The following TLE1 variants were observed in gnomAD, a reference collection of about 807,000 sequenced individuals.
The protein encoded by TLE1 is TLE family member 1, transcriptional corepressor.
TLE1 carries 21 observed loss-of-function variants against 89.8 expected under a neutral mutation model. The ratio of observed to expected loss-of-function variants is 0.23; its 90% confidence interval spans 0.17 to 0.34. TLE1 has a LOEUF of 0.34. Among genes scored for constraint, TLE1 ranks in the 10% least tolerant of loss-of-function variants. The pLI is 1.00. For synonymous variants in TLE1, 447 were observed against 407.6 expected (o/e 1.10, Z -1.16); for missense variants, 795 against 1,031.2 (o/e 0.77, Z 3.14).
At chr9:81,642,242 C>A (rs1828222416) in intron 6 of TLE1, among the ~76,000 whole-genome samples, 1 of 152,088 alleles carries the variant, frequency 6.6e-6, no homozygotes, top group Non-Finnish European at 1.5e-5. Flanking sequence ...TTAATTATCC[C>A]TTTTCTGAAG....
rs550719565 is a variant in TLE1, at chr9:81,665,254, T to C, written c.235-11218A>G. Among the ~76,000 whole-genome samples, 8 of 152,296 alleles carry C rather than the reference T, an allele frequency of 5.3e-5. No homozygotes were observed. In the South Asian group the frequency reaches 1.2e-3, roughly 24 times the overall value. ...ATTTAAGTTATTCCACCCATGGCAA[T>C]GTAATCTCGCCCCTTCTTCAAGCCT... On this transcript the variant is annotated intron_variant, in intron 4 of 19. Transcript: ENST00000376499.
rs900484687 is a variant in TLE1 at position 81,634,254 on chromosome 9, T to C, written c.420A>G (p.Pro140=). 2.6e-6 allele frequency: 4 copies of C among 1,565,126 alleles called. No individual in the cohort carries two copies. The highest frequency in any genetic ancestry group is 3.5e-6 in the Non-Finnish European group (4 of 1,150,544). Residue 140 remains proline (P), a synonymous_variant, in exon 7 of 20, where the codon CCA becomes CCG. Coordinates refer to ENST00000376499, the MANE Select transcript of TLE1 (RefSeq NM_005077.5). ...CCGAAGGGTGAGGCGTAAGGGGAAC[T>C]GGGGGTCCGTGGCCATGAGAAAGAT... ...AQHLSHGHGP[P]VPLTPHPSGL... is the part of the protein sequence containing the mutation.
rs114432866 is a variant in TLE1, at chr9:81,588,590, G to A, written c.1830-762C>T. ...GAACCTTGTGCTTCATTCAAAAATC[G>A]CCATCAGAAACGATCAGCCAACAGG... On this transcript the variant is annotated intron_variant, in intron 16 of 19. Coordinates refer to ENST00000376499, the MANE Select transcript of TLE1 (RefSeq NM_005077.5). Among the ~76,000 whole-genome samples, 999 of 152,198 alleles carry A rather than the reference G, an allele frequency of 6.6e-3. 12 individuals carry two copies. The highest frequency in any genetic ancestry group is 0.023 in the African/African-American group (954 of 41,524).
At chr9:81,609,706 C>A (rs1288943510) in intron 14 of TLE1, among the ~76,000 whole-genome samples, 1 of 152,136 alleles carries the variant, frequency 6.6e-6, no homozygotes, top group African/African-American at 2.4e-5. Flanking sequence ...TGGGGGTAAA[C>A]CTGGGGTGCT....
At chr9:81,644,209 C>A (rs956511234) in intron 6 of TLE1, among the ~76,000 whole-genome samples, 1 of 152,142 alleles carries the variant, frequency 6.6e-6, no homozygotes, top group African/African-American at 2.4e-5. Context: ...ACCATAGACC[C>A]AGTGATTCTA....
intron 6 of TLE1, among the ~76,000 whole-genome samples, chr9:81,646,709 T>G (rs745687051): frequency 1.1e-4 from 17 of 152,168 alleles, no homozygotes; most frequent in Non-Finnish European, 2.5e-4. Context: ...GCCCTTTAGG[T>G]CTACAACTCA....
intron 5 of TLE1, among the ~76,000 whole-genome samples, chr9:81,652,522 C>T (rs141165504): frequency 0.013 from 2,019 of 152,104 alleles, 29 homozygotes; most frequent in African/African-American, 0.036. Flanking sequence ...CTGTAAATTT[C>T]GGCTTGGAAT....
intron 4 of TLE1, among the ~76,000 whole-genome samples, chr9:81,677,960 G>C (rs1395597241): frequency 2.6e-5 from 4 of 152,130 alleles, no homozygotes; most frequent in Admixed American, 2.6e-4. Flanking sequence ...TCAACGGATA[G>C]AATTTTCAGA....
chr9:81,590,705 G>C, intron 16 of TLE1, 100 bp downstream of exon 16: 1 of 1,527,998 alleles, frequency 6.5e-7, no homozygotes, highest in Non-Finnish European at 8.8e-7. Flanking sequence ...CATTCAAGAG[G>C]CTCTTATTGT....
At chr9:81,683,628 G>A (rs1833893852) in intron 4 of TLE1, among the ~76,000 whole-genome samples, 2 of 152,124 alleles carry the variant, frequency 1.3e-5, no homozygotes, top group Admixed American at 1.3e-4. Flanking sequence ...CTGAATTATA[G>A]CACTACTTTG....
At chr9:81,587,910 G>GTGTGTGTGTGTGTCATCCCGCC (rs1564104171) in intron 16 of TLE1, 82 bp from the exon 17 acceptor site, 12 of 797,498 alleles carry the variant, frequency 1.5e-5, no homozygotes, top group African/African-American at 2.0e-5. Context: ...TTTGGACCGT[G>GTGTGTGTGTGTGTCATCCCGCC]TGTGTGTGTG....
In TLE1 at chr9:81,611,817, G is replaced by A. The variant is rs780782655; in HGVS notation, c.1206C>T (p.Ser402=). The A allele has an allele frequency of 1.6e-5, 25 of 1,553,768 alleles. No homozygotes were observed. The highest frequency in any genetic ancestry group is 2.8e-5 in the African/African-American group (2 of 70,314). The change falls in exon 13 of 20, where the codon AGC becomes AGT. Residue 402 remains serine, a synonymous_variant. Coordinates refer to ENST00000376499, the MANE Select transcript of TLE1 (RefSeq NM_005077.5). ...ASLHNMSPQM[S]AAAAAAAVVA... ...CCACGGCGGCCGCGGCGGCTGCGGC[G>A]CTCATCTGGGGCGACATGTTGTGTA...
intron 14 of TLE1, among the ~76,000 whole-genome samples, chr9:81,598,351 C>A (rs1010675658): frequency 3.3e-5 from 5 of 152,182 alleles, no homozygotes; most frequent in African/African-American, 1.2e-4. Flanking sequence ...CCCAAGTACA[C>A]GCCGCTTCCT....
chr9:81,602,137 CAGAA>C (rs1048116693), intron 14 of TLE1, among the ~76,000 whole-genome samples: 10 of 152,214 alleles, frequency 6.6e-5, no homozygotes, highest in African/African-American at 2.4e-4. Flanking sequence ...AATACTTCAA[CAGAA>C]AGAGACCAGT....
chr9:81,603,336 T>G (rs1831198342), intron 14 of TLE1, among the ~76,000 whole-genome samples: 1 of 152,182 alleles, frequency 6.6e-6, no homozygotes, highest in Non-Finnish European at 1.5e-5. Flanking sequence ...CCTTGAAGGA[T>G]CCTGTTCAGG....
chr9:81,656,586 C>T (rs941020195), intron 4 of TLE1, among the ~76,000 whole-genome samples: 1 of 152,172 alleles, frequency 6.6e-6, no homozygotes, highest in South Asian at 2.1e-4. Context: ...TACCATCATT[C>T]CAGGTTCTCA....
intron 4 of TLE1, among the ~76,000 whole-genome samples, chr9:81,678,536 G>A (rs1345810965): frequency 6.6e-6 from 1 of 152,170 alleles, no homozygotes; most frequent in East Asian, 1.9e-4. Flanking sequence ...TTTAGGGGCT[G>A]GGAGCAGTGG....
intron 4 of TLE1, among the ~76,000 whole-genome samples, chr9:81,671,324 G>A (rs1832195245): frequency 1.3e-5 from 2 of 151,988 alleles, no homozygotes; most frequent in African/African-American, 2.4e-5. Flanking sequence ...GACCAGCCTG[G>A]GCAACATGGC....
chr9:81,616,179 G>A (rs759380504), intron 10 of TLE1, 45 bp from the exon 11 acceptor site: 1 of 1,567,876 alleles, frequency 6.4e-7, no homozygotes, highest in African/African-American at 1.4e-5. Flanking sequence ...GCTTGTAACA[G>A]ACAGACTTTT....
Sources: gnomAD v4.1 joint callset for allele counts (sites outside exome capture counted in the v4.1 genomes callset) on GRCh38, gnomAD v4.1.1 for gene constraint, MANE v1.5 for transcripts, NCBI Gene and HGNC (gene_info 2026-07-23, HGNC 2026-07-21) for gene names.